Variants in GRIK1 observed in about 807,000 individuals in gnomAD.
The protein encoded by GRIK1 is glutamate receptor ionotropic, kainate 1.
A neutral mutation model predicts 105.7 loss-of-function variants in GRIK1; 69 were observed. The ratio of observed to expected loss-of-function variants is 0.65; its 90% CI spans 0.54 to 0.80. The LOEUF is 0.80. GRIK1 is among the 30% of genes least tolerant of loss of function. The pLI, the probability that GRIK1 is intolerant of heterozygous loss-of-function variation, is 0.00. For synonymous variants in GRIK1, 438 were observed against 431.3 expected, an observed-to-expected ratio of 1.02 and a Z score of -0.19; for missense variants, 1,109 against 1,167.3, an observed-to-expected ratio of 0.95 and a Z score of 0.73.
intron 7 of GRIK1, among the ~76,000 whole-genome samples, chr21:29,602,827 G>A (rs1362814435): frequency 6.6e-6 from 1 of 152,128 alleles, no homozygotes; most frequent in Non-Finnish European, 1.5e-5. Context: ...GAATCATGGG[G>A]GTGTTTTAAA....
chr21:29,883,629 G>T (rs1475095282), intron 1 of GRIK1, among the ~76,000 whole-genome samples: 1 of 151,994 alleles, frequency 6.6e-6, no homozygotes, highest in Non-Finnish European at 1.5e-5. Context: ...ACCCAGGAAG[G>T]CATCAGTGTT....
intron 1 of GRIK1, among the ~76,000 whole-genome samples, chr21:29,712,239 A>G (rs1474080322): frequency 6.6e-6 from 1 of 152,022 alleles, no homozygotes; most frequent in Non-Finnish European, 1.5e-5. Flanking sequence ...AGTGATGTAC[A>G]ATATTCCACC....
intron 1 of GRIK1, among the ~76,000 whole-genome samples, chr21:29,732,884 C>A (rs551388979): frequency 2.8e-4 from 43 of 152,186 alleles, no homozygotes; most frequent in African/African-American, 9.9e-4. Context: ...ATTTAACCAG[C>A]AATATCTGTG....
chr21:29,931,453 C>A (rs893123843), intron 1 of GRIK1, among the ~76,000 whole-genome samples: 2 of 152,144 alleles, frequency 1.3e-5, no homozygotes, highest in African/African-American at 4.8e-5. Context: ...CTTTGCATCA[C>A]CTGTTATCAA....
intron 14 of GRIK1, among the ~76,000 whole-genome samples, chr21:29,574,585 G>T (rs376673044): frequency 7.9e-5 from 12 of 151,764 alleles, no homozygotes; most frequent in African/African-American, 2.7e-4. Context: ...ACTTTCTGCA[G>T]CTTGCAAAGC....
intron 1 of GRIK1, 66 bp downstream of exon 1, chr21:29,939,317 C>G (rs1406951648): frequency 2.1e-6 from 2 of 968,614 alleles, no homozygotes; most frequent in African/African-American, 1.6e-5. Flanking sequence ...GCCCGGGACC[C>G]GCTACACCCG....
At chr21:29,726,787 CAT>C (rs1227865336) in intron 1 of GRIK1, among the ~76,000 whole-genome samples, 1 of 151,542 alleles carries the variant, frequency 6.6e-6, no homozygotes, top group Non-Finnish European at 1.5e-5. Flanking sequence ...CATGTAGACA[CAT>C]ATATAGGTAT....
chr21:29,837,601 CTT>C (rs2067844307), intron 1 of GRIK1, among the ~76,000 whole-genome samples: 1 of 152,128 alleles, frequency 6.6e-6, no homozygotes. Context: ...TAGAAGACTA[CTT>C]TTTGCTAGAG....
intron 1 of GRIK1, among the ~76,000 whole-genome samples, chr21:29,901,624 A>G (rs749036783): frequency 1.3e-5 from 2 of 152,164 alleles, no homozygotes; most frequent in Non-Finnish European, 2.9e-5. Context: ...AAAGGCCAAT[A>G]ACAGATTCTG....
intron 2 of GRIK1, 49 bp downstream of exon 2, chr21:29,693,847 G>C: frequency 7.2e-7 from 1 of 1,380,096 alleles, no homozygotes; most frequent in Non-Finnish European, 1.0e-6. Context: ...GTGACTTGGA[G>C]AGCAGACATA....
At chr21:29,562,970 C>T (rs936997154) in intron 14 of GRIK1, among the ~76,000 whole-genome samples, 1 of 146,868 alleles carries the variant, frequency 6.8e-6, no homozygotes, top group Admixed American at 7.0e-5. Context: ...TATGATTAGA[C>T]ATTTTGCATT....
At chr21:29,774,119 AT>A (rs1420419974) in intron 1 of GRIK1, among the ~76,000 whole-genome samples, 1 of 151,998 alleles carries the variant, frequency 6.6e-6, no homozygotes, top group Non-Finnish European at 1.5e-5. Flanking sequence ...GTACCCTTCA[AT>A]TTCTTATTCT....
At chr21:29,734,603 T>C (rs1021890553) in intron 1 of GRIK1, among the ~76,000 whole-genome samples, 2 of 152,116 alleles carry the variant, frequency 1.3e-5, no homozygotes, top group South Asian at 2.1e-4. Context: ...TTCACCATGT[T>C]GCCCAAACTA....
chr21:29,734,200 A>G (rs1425417272), intron 1 of GRIK1, among the ~76,000 whole-genome samples: 2 of 152,044 alleles, frequency 1.3e-5, no homozygotes, highest in African/African-American at 2.4e-5. Context: ...CTCCATCACT[A>G]CCACTCCATC....
At chr21:29,766,169 A>T (rs1186761022) in intron 1 of GRIK1, among the ~76,000 whole-genome samples, 2 of 151,912 alleles carry the variant, frequency 1.3e-5, no homozygotes, top group African/African-American at 2.4e-5. Flanking sequence ...TCTTTAGACA[A>T]CTCAGTATGT....
intron 15 of GRIK1, among the ~76,000 whole-genome samples, chr21:29,556,642 T>C (rs1465514578): frequency 2.6e-5 from 4 of 152,138 alleles, no homozygotes; most frequent in East Asian, 3.8e-4. Context: ...TTCTAGCCAA[T>C]AGGAACTAAG....
chr21:29,674,672 T>C (rs1285517455), intron 3 of GRIK1, among the ~76,000 whole-genome samples: 1 of 152,130 alleles, frequency 6.6e-6, no homozygotes, highest in African/African-American at 2.4e-5. Context: ...CTCTCTCTCT[T>C]CTGCCAACAT....
intron 1 of GRIK1, among the ~76,000 whole-genome samples, chr21:29,729,204 G>A (rs2064548202): frequency 6.6e-6 from 1 of 152,154 alleles, no homozygotes; most frequent in Non-Finnish European, 1.5e-5. Flanking sequence ...TGGCCATCGA[G>A]TCTAGAGGTT....
chr21:29,745,935 C>T (rs1229792453), intron 1 of GRIK1, among the ~76,000 whole-genome samples: 1 of 152,058 alleles, frequency 6.6e-6, no homozygotes, highest in Non-Finnish European at 1.5e-5. Context: ...AACCCCTTCT[C>T]TACTAAAAAT....
Sources: gnomAD v4.1 joint callset for allele counts (sites outside exome capture counted in the v4.1 genomes callset) on GRCh38, gnomAD v4.1.1 for gene constraint, MANE v1.5 for transcripts, NCBI Gene and HGNC (gene_info 2026-07-23, HGNC 2026-07-21) for gene names.